The following CCNY variants were observed in gnomAD, a reference collection of about 807,000 sequenced individuals.
CCNY encodes cyclin Y.
In CCNY, 19 loss-of-function variants were observed where a neutral mutation model predicts 42.8. That is an observed-to-expected ratio of 0.44 (90% CI 0.31 to 0.65). The LOEUF (loss-of-function observed/expected upper bound fraction) is 0.65, where lower values mean the gene tolerates loss of function less well. Ranked by LOEUF, CCNY falls within the 30% of genes least tolerant of loss-of-function variation. The pLI is 0.07. For missense variants in CCNY, 370 were observed against 437.3 expected (o/e 0.85, Z 1.37); for synonymous variants, 165 against 162.7 (o/e 1.01, Z -0.11).
At chr10:35,416,160 C>CGTGTGTGTGTGT (rs57188309) in intron 1 of CCNY, among the ~76,000 whole-genome samples, 3,661 of 144,524 alleles carry the variant, frequency 0.025, 60 homozygotes, top group East Asian at 0.033. Context: ...TTGTGGCACC[C>CGTGTGTGTGTGT]GTGTGTGTGT....
At chr10:35,565,099 C>A (rs1027966144) in intron 8 of CCNY, among the ~76,000 whole-genome samples, 1 of 152,172 alleles carries the variant, frequency 6.6e-6, no homozygotes, top group Admixed American at 6.5e-5. Flanking sequence ...GTTCCCCCCA[C>A]CCAGAGGAAC....
intron 1 of CCNY, among the ~76,000 whole-genome samples, chr10:35,382,660 G>A (rs564317993): frequency 3.9e-4 from 60 of 152,146 alleles, no homozygotes; most frequent in Middle Eastern, 3.4e-3. Context: ...AAGAATTACC[G>A]GGCCCAGTTG....
chr10:35,349,548 G>A (rs1836383893), intron 1 of CCNY, among the ~76,000 whole-genome samples: 1 of 152,152 alleles, frequency 6.6e-6, no homozygotes, highest in African/African-American at 2.4e-5. Flanking sequence ...TTTCATAAAT[G>A]GGTTTCTTTC....
intron 3 of CCNY, among the ~76,000 whole-genome samples, chr10:35,284,833 A>G (rs1835335781): frequency 6.6e-6 from 1 of 152,056 alleles, no homozygotes; most frequent in South Asian, 2.1e-4. Context: ...ACTCAATTCA[A>G]AATAATTTGT....
At chr10:35,416,136 C>T (rs1446783157) in intron 1 of CCNY, among the ~76,000 whole-genome samples, 1 of 150,164 alleles carries the variant, frequency 6.7e-6, no homozygotes, top group Non-Finnish European at 1.5e-5. Context: ...TGCCATGTTA[C>T]CTGATCTGGA....
chr10:35,375,423 G>T lies in CCNY; in HGVS notation c.154+38216G>T, dbSNP rs185451840. 1.2e-4 allele frequency among the ~76,000 whole-genome samples: 18 copies of T among 152,210 alleles called. No individual in the cohort carries two copies. The East Asian group carries it at 3.5e-3, about 29-fold the overall frequency. On this transcript the variant is annotated intron_variant, in intron 1 of 9. Transcript: ENST00000374704. ...TTTTTAGGATCCTTGTGATTATGTT[G>T]GGTCCACCTGGAAAATCTGGGCTCA...
chr10:35,530,973 GGT>G lies in CCNY; in HGVS notation c.579+732_579+733del, dbSNP rs1412852290. ...TGGTCCCAGCTACTTGGAAGGCTGA[GGT>G]GAAAGGATCACTTAAGCCCAGGAGG... On this transcript the variant is annotated intron_variant, in intron 7 of 9. Coordinates refer to ENST00000374704, the MANE Select transcript of CCNY (RefSeq NM_145012.6). The surrounding 1 kb of genome is among the most constrained non-coding windows in gnomAD (Gnocchi z 4.3). Among the ~76,000 whole-genome samples the G allele has an allele frequency of 1.3e-5, 2 of 152,126 alleles. No homozygotes were observed. The highest frequency in any genetic ancestry group is 2.9e-5 in the Non-Finnish European group (2 of 68,026).
intron 4 of CCNY, among the ~76,000 whole-genome samples, chr10:35,523,463 C>G (rs144173988): frequency 1.3e-5 from 2 of 152,304 alleles, no homozygotes; most frequent in African/African-American, 4.8e-5. Flanking sequence ...TCACTTCCTT[C>G]AAGACGACTG....
intron 1 of CCNY, among the ~76,000 whole-genome samples, chr10:35,417,582 G>C (rs1454258350): frequency 6.6e-6 from 1 of 152,168 alleles, no homozygotes; most frequent in Non-Finnish European, 1.5e-5. Flanking sequence ...CTCCTTAAGA[G>C]GTGTTTATAG....
chr10:35,518,203 A>T (rs748045616), intron 4 of CCNY, among the ~76,000 whole-genome samples: 15 of 152,202 alleles, frequency 9.9e-5, no homozygotes, highest in Non-Finnish European at 1.9e-4. Context: ...CTGTGTGACA[A>T]TTTGATAGTT....
chr10:35,506,153 G>A (rs971530311), intron 3 of CCNY, among the ~76,000 whole-genome samples: 30 of 152,202 alleles, frequency 2.0e-4, no homozygotes, highest in Non-Finnish European at 4.1e-4. Flanking sequence ...ATGCTTGGAG[G>A]ATGTGAAAGA....
chr10:35,516,514 G>A lies in CCNY; in HGVS notation c.265-9G>A. 1 of 1,602,102 alleles carries A rather than the reference G, an allele frequency of 6.2e-7. No homozygotes were observed. Among genetic ancestry groups the A allele is most frequent in the Non-Finnish European group, 8.6e-7 (1 of 1,169,586 alleles). ...TAATTGCCTTAATCTTCTTGCTGTT[G>A]TTTTCTAGCATCCTCCAGGACAAAT... On this transcript the variant is annotated splice_polypyrimidine_tract_variant and intron_variant, in intron 3 of 9. Transcript: ENST00000374704.
At position 35,311,057 on chromosome 10, in the gene CCNY, C is replaced by T. The variant is rs539940014; in HGVS notation, c.-9+60431C>T. Among the ~76,000 whole-genome samples the T allele has an allele frequency of 9.2e-5, 14 of 152,242 alleles. No individual in the cohort carries two copies. The South Asian group carries it at 2.9e-3, about 32-fold the overall frequency. On this transcript the variant is annotated intron_variant, in intron 3 of 11. Coordinates refer to the CCNY transcript ENST00000374706. ...GGAAGGCACAGTGACTCATGCCTAT[C>T]ATCCCAACACTTTGGGAGGCTGAGG...
intron 3 of CCNY, among the ~76,000 whole-genome samples, chr10:35,282,614 T>C (rs1268548672): frequency 6.6e-6 from 1 of 150,566 alleles, no homozygotes; most frequent in Non-Finnish European, 1.5e-5. Context: ...CCCAAGCTAC[T>C]TGGGAGGCTG....
intron 1 of CCNY, among the ~76,000 whole-genome samples, chr10:35,412,719 G>A (rs979181308): frequency 1.3e-5 from 2 of 151,332 alleles, no homozygotes; most frequent in Non-Finnish European, 2.9e-5. Flanking sequence ...AAATTAGCTG[G>A]GTGTGGCAGC....
At chr10:35,305,000 A>G (rs1330603381) in intron 3 of CCNY, among the ~76,000 whole-genome samples, 4 of 151,944 alleles carry the variant, frequency 2.6e-5, no homozygotes, top group African/African-American at 9.7e-5. Context: ...AGCCTAATAT[A>G]CAAGTGTCAT....
At chr10:35,555,865 A>G (rs564862660) in intron 8 of CCNY, among the ~76,000 whole-genome samples, 10 of 152,322 alleles carry the variant, frequency 6.6e-5, no homozygotes, top group African/African-American at 1.2e-4. Context: ...TGGGCAGTCA[A>G]TATCTTAAAA....
At chr10:35,371,860 G>C (rs746968022) in intron 1 of CCNY, among the ~76,000 whole-genome samples, 3 of 152,192 alleles carry the variant, frequency 2.0e-5, no homozygotes, top group Non-Finnish European at 4.4e-5. Context: ...CAGCAATTCT[G>C]AGTTCTTAAG....
At chr10:35,268,885 T>C (rs1425666956) in intron 3 of CCNY, among the ~76,000 whole-genome samples, 1 of 152,234 alleles carries the variant, frequency 6.6e-6, no homozygotes, top group Non-Finnish European at 1.5e-5. Flanking sequence ...CAAGGGCTCC[T>C]GGGGCCCCTC....
Sources: allele counts gnomAD v4.1 joint callset (sites outside exome capture counted in the v4.1 genomes callset), GRCh38; gene constraint gnomAD v4.1.1; non-coding constraint Gnocchi (gnomAD v3.1); transcripts MANE v1.5; gene names NCBI Gene and HGNC (gene_info 2026-07-23, HGNC 2026-07-21).